FRMD3: variants seen among roughly 807,000 people sequenced by gnomAD.
FRMD3 encodes the protein FERM domain containing 3.
Under a neutral mutation model 70.2 loss-of-function variants are expected in FRMD3, and 33 were observed. The observed-to-expected ratio is 0.47, with a 90% CI of 0.36 to 0.63. FRMD3 has a LOEUF of 0.63. FRMD3 is among the 20% of genes least tolerant of loss of function. The pLI, the probability that FRMD3 is intolerant of heterozygous loss-of-function variation, is 0.00. For missense variants in FRMD3, 632 were observed against 711.4 expected (o/e 0.89, Z 1.27); for synonymous variants, 279 against 255.9 (o/e 1.09, Z -0.86).
the FRMD3 span, among the ~76,000 whole-genome samples, chr9:83,566,540 A>T: frequency 6.6e-6 from 1 of 152,202 alleles, no homozygotes; most frequent in Admixed American, 6.5e-5. Flanking sequence ...CTCATCTGAG[A>T]CAAAGTAAGA....
intron 2 of FRMD3, among the ~76,000 whole-genome samples, chr9:83,376,197 A>G: frequency 6.7e-6 from 1 of 149,916 alleles, no homozygotes; most frequent in Non-Finnish European, 1.5e-5. Context: ...AAACCACCTG[A>G]CAGGTCCATG....
chr9:83,258,512 G>A (rs1268164901), intron 13 of FRMD3, among the ~76,000 whole-genome samples: 1 of 152,228 alleles, frequency 6.6e-6, no homozygotes, highest in African/African-American at 2.4e-5. Context: ...TTGGGCGTCA[G>A]CAGAACAAAT....
At chr9:83,457,757 T>C (rs1247618608) in intron 1 of FRMD3, among the ~76,000 whole-genome samples, 2 of 152,114 alleles carry the variant, frequency 1.3e-5, no homozygotes, top group African/African-American at 2.4e-5. Context: ...GGGCTAACTG[T>C]ATTCTTGAAA....
At chr9:83,443,704 A>G (rs1827373822) in intron 1 of FRMD3, among the ~76,000 whole-genome samples, 1 of 152,204 alleles carries the variant, frequency 6.6e-6, no homozygotes, top group Non-Finnish European at 1.5e-5. Context: ...CAGATCCTCG[A>G]GGAATCGCCA....
At chr9:83,580,452 T>C in the FRMD3 span, among the ~76,000 whole-genome samples, 11 of 152,140 alleles carry the variant, frequency 7.2e-5, no homozygotes, top group Non-Finnish European at 1.6e-4. Context: ...GGCAATTCTG[T>C]CACTTGAAAC....
rs1481362458 is a variant in FRMD3, at chr9:83,247,186, CCT to C, written c.*730_*731del. 2.0e-6 allele frequency: 2 copies of C among 985,224 alleles called. No homozygotes were observed. Among genetic ancestry groups the C allele is most frequent in the Non-Finnish European group, 2.4e-6 (2 of 829,894 alleles). 61.0% of individuals were successfully genotyped at this position (985,224 alleles called of 1,614,324 possible). A position where few individuals can be genotyped will look rare whatever the true frequency, so the allele number is the denominator to read the frequency against. On this transcript the variant is annotated 3_prime_UTR_variant, in exon 14 of 14. Coordinates refer to ENST00000304195, the MANE Select transcript of FRMD3 (RefSeq NM_174938.6). The stretch of plus-strand genomic sequence containing the variant: ...CAGTTTCTACATCCTCCAGTTCCAT[CCT>C]CTGTTTTAGCAGCTTACTTACTATA...
chr9:83,538,396 C>A lies in FRMD3; in HGVS notation c.-165G>T. ...GGACACACATGCCCAGCGGCCGGGG[C>A]GCGGCGGGCGGGTCCCTCCCTCTGT... On this transcript the variant is annotated 5_prime_UTR_variant, in exon 1 of 14. Coordinates refer to ENST00000304195, the MANE Select transcript of FRMD3 (RefSeq NM_174938.6). This position sits in a 1 kb window ranked among gnomAD's most constrained non-coding sequence, Gnocchi z 4.7. 1 of 496,860 alleles carries A rather than the reference C, an allele frequency of 2.0e-6. No individual in the cohort carries two copies. The highest frequency in any genetic ancestry group is 5.7e-4 in the Middle Eastern group (1 of 1,766). 30.8% of individuals were successfully genotyped at this position (496,860 alleles called of 1,614,324 possible). A position where few individuals can be genotyped will look rare whatever the true frequency, so the allele number is the denominator to read the frequency against.
intron 6 of FRMD3, among the ~76,000 whole-genome samples, chr9:83,322,896 C>T (rs1401704445): frequency 6.6e-6 from 1 of 152,208 alleles, no homozygotes; most frequent in East Asian, 1.9e-4. Flanking sequence ...ACTTATTACT[C>T]TGGTTCCTCT....
intron 6 of FRMD3, among the ~76,000 whole-genome samples, chr9:83,325,482 A>T (rs1432873991): frequency 1.3e-5 from 2 of 151,260 alleles, no homozygotes; most frequent in African/African-American, 4.9e-5. Context: ...ATGCCACTAC[A>T]TCTGGCTAAT....
intron 1 of FRMD3, among the ~76,000 whole-genome samples, chr9:83,393,949 GTTTT>G (rs372574147): frequency 4.8e-5 from 7 of 146,374 alleles, no homozygotes; most frequent in African/African-American, 1.8e-4. Context: ...TGTTGTTGTT[GTTTT>G]TTTTTACAAA....
chr9:83,261,102 G>GACAAACAC (rs1832965488), intron 13 of FRMD3, among the ~76,000 whole-genome samples: 1 of 133,038 alleles, frequency 7.5e-6, no homozygotes, highest in African/African-American at 2.8e-5. Context: ...AGGAAACTTA[G>GACAAACAC]ACACACACAC....
At chr9:83,313,546 C>A in intron 7 of FRMD3, 114 bp downstream of exon 7, 2 of 806,192 alleles carry the variant, frequency 2.5e-6, no homozygotes, top group African/African-American at 3.4e-5. Context: ...AATGAGGGAC[C>A]GTGGGCCAAG....
Position 83,247,069 on chromosome 9 carries a change from C to G in FRMD3, c.*849G>C. ...TTTTTAAAACATCTGCTTCTCCAGC[C>G]AAAATATACGGACAGAATACAAATG... On this transcript the variant is annotated 3_prime_UTR_variant, in exon 14 of 14. Transcript: ENST00000304195. 1.0e-6 allele frequency: 1 copy of G among 985,344 alleles called. No homozygotes were observed. The highest frequency in any genetic ancestry group is 4.7e-5 in the South Asian group (1 of 21,286). 61.0% of individuals were successfully genotyped at this position (985,344 alleles called of 1,614,324 possible).
intron 9 of FRMD3, 147 bp downstream of exon 9, chr9:83,310,336 CTA>C: frequency 1.4e-6 from 1 of 723,068 alleles, no homozygotes; most frequent in Non-Finnish European, 2.4e-6. Context: ...TTGTTTGCCT[CTA>C]AAATATTTTT....
intron 10 of FRMD3, among the ~76,000 whole-genome samples, chr9:83,306,123 T>G (rs1381073002): frequency 1.3e-5 from 2 of 152,220 alleles, no homozygotes; most frequent in African/African-American, 4.8e-5. Flanking sequence ...TAAAACAACG[T>G]GCGTGAAATA....
At chr9:83,556,642 C>T in the FRMD3 span, among the ~76,000 whole-genome samples, 1 of 151,766 alleles carries the variant, frequency 6.6e-6, no homozygotes, top group African/African-American at 2.4e-5. Flanking sequence ...TTTTAATTTG[C>T]TTTTGGAATT....
chr9:83,349,821 G>A (rs568445456), intron 3 of FRMD3, 64 bp from the exon 4 acceptor site: 93 of 1,246,372 alleles, frequency 7.5e-5, no homozygotes, highest in Middle Eastern at 5.6e-4. Flanking sequence ...AAACACACAC[G>A]GGAAAGGCAG....
intron 13 of FRMD3, among the ~76,000 whole-genome samples, chr9:83,271,110 A>G (rs914332223): frequency 6.6e-6 from 1 of 152,210 alleles, no homozygotes; most frequent in African/African-American, 2.4e-5. Flanking sequence ...GGTTCCTGAC[A>G]TGGAATAGGC....
chr9:83,290,075 G>A (rs941476519), intron 13 of FRMD3, among the ~76,000 whole-genome samples: 5 of 152,268 alleles, frequency 3.3e-5, no homozygotes, highest in East Asian at 3.9e-4. Context: ...ATGGGATGAC[G>A]AGTGTAGAGA....
Sources: allele counts gnomAD v4.1 joint callset (sites outside exome capture counted in the v4.1 genomes callset), GRCh38; gene constraint gnomAD v4.1.1; non-coding constraint Gnocchi (gnomAD v3.1); transcripts MANE v1.5; gene names NCBI Gene and HGNC (gene_info 2026-07-23, HGNC 2026-07-21).